The following TDRD3 variants were observed in gnomAD, a reference collection of about 807,000 sequenced individuals.
TDRD3 encodes tudor domain-containing protein 3.
A neutral mutation model predicts 86.7 loss-of-function variants in TDRD3; 45 were observed. That is an observed-to-expected ratio of 0.52 (90% CI 0.41 to 0.67). The LOEUF (loss-of-function observed/expected upper bound fraction) is 0.67. Among genes scored for constraint, TDRD3 ranks in the 30% least tolerant of loss-of-function variants. The probability of loss-of-function intolerance (pLI) is 0.00; values close to 1 mark genes in which losing one functional copy is unlikely to be tolerated. For missense variants in TDRD3, 814 were observed against 889.0 expected (o/e 0.92, Z 1.07); for synonymous variants, 298 against 301.7 (o/e 0.99, Z 0.13).
chr13:60,562,241 A>G (rs1958350853), intron 12 of TDRD3, among the ~76,000 whole-genome samples: 1 of 152,092 alleles, frequency 6.6e-6, no homozygotes, highest in Non-Finnish European at 1.5e-5. Context: ...TGAATCCAGG[A>G]GGTGGAGGTT....
upstream of TDRD3, chr13:60,397,157 C>T (rs773122868): frequency 1.7e-5 from 7 of 401,002 alleles, no homozygotes; most frequent in Non-Finnish European, 3.1e-5. Context: ...CCACACCAGG[C>T]CGGCCCCTAC....
intron 1 of TDRD3, among the ~76,000 whole-genome samples, chr13:60,420,668 C>T (rs1363789197): frequency 2.0e-5 from 3 of 151,948 alleles, no homozygotes; most frequent in African/African-American, 4.8e-5. Flanking sequence ...CCAGGCTGGG[C>T]GTGGTGGCTG....
At chr13:60,501,035 T>C (rs1228037976) in intron 8 of TDRD3, among the ~76,000 whole-genome samples, 4 of 152,180 alleles carry the variant, frequency 2.6e-5, no homozygotes, top group African/African-American at 9.7e-5. Context: ...CTATGGCCAG[T>C]GACTATTCCT....
At chr13:60,421,231 G>A (rs1166612001) in intron 1 of TDRD3, among the ~76,000 whole-genome samples, 1 of 152,138 alleles carries the variant, frequency 6.6e-6, no homozygotes, top group Non-Finnish European at 1.5e-5. Context: ...AGTTCCATAT[G>A]GCTCAGGAGG....
At chr13:60,453,345 C>A (rs1211399055) in intron 3 of TDRD3, among the ~76,000 whole-genome samples, 1 of 152,164 alleles carries the variant, frequency 6.6e-6, no homozygotes, top group African/African-American at 2.4e-5. Flanking sequence ...TGTAGTTTTT[C>A]TTTTCCTAGC....
chr13:60,438,099 T>C (rs775079099), intron 1 of TDRD3, among the ~76,000 whole-genome samples: 22 of 152,158 alleles, frequency 1.4e-4, no homozygotes, highest in Non-Finnish European at 2.6e-4. Context: ...AGGTGTTTAG[T>C]TTTCATCATT....
In TDRD3 at chr13:60,485,902, A is replaced by G; in HGVS notation, c.671A>G (p.Glu224Gly). The part of the protein sequence containing the change: ...VKPTNDNDEF[E>G]KQRTAAIAEV... ...CCTACAAATGATAATGATGAATTTGAAAAGCAAAGGACGGCTGCTATTGCT... is the reference window on the plus strand; with the variant it reads ...CCTACAAATGATAATGATGAATTTGGAAAGCAAAGGACGGCTGCTATTGCT... The change falls in exon 7 of 14, where the codon GAA becomes GGA. Residue 224 changes from glutamate to glycine, a missense_variant. By Grantham distance (98) the Glu-to-Gly change is moderately conservative. Transcript: ENST00000377881. The G allele has an allele frequency of 6.2e-7, 1 of 1,611,196 alleles. No individual in the cohort carries two copies. Among genetic ancestry groups the G allele is most frequent in the South Asian group, 1.1e-5 (1 of 90,486 alleles).
chr13:60,457,630 A>G (rs1955711617), intron 3 of TDRD3, among the ~76,000 whole-genome samples: 1 of 152,228 alleles, frequency 6.6e-6, no homozygotes, highest in Non-Finnish European at 1.5e-5. Context: ...TGCTGTAACA[A>G]ATTACCACAA....
intron 1 of TDRD3, among the ~76,000 whole-genome samples, chr13:60,404,240 AAAC>A (rs993227654): frequency 1.3e-5 from 2 of 152,156 alleles, no homozygotes; most frequent in Non-Finnish European, 2.9e-5. Flanking sequence ...GCTAAGGAAA[AAAC>A]AAGGCACATT....
rs150181276 is a variant in TDRD3, at chr13:60,440,265, A to C, written c.126+493A>C. On this transcript the variant is annotated intron_variant, in intron 2 of 13. Transcript: ENST00000377881. ...ATTAAATCTGCTTATAATTACTATT[A>C]ATGTTTTAGTGTATATTTCTTTTCA... Among the ~76,000 whole-genome samples, 20 of 152,274 alleles carry C rather than the reference A, an allele frequency of 1.3e-4. No individual in the cohort carries two copies. In the East Asian group the frequency reaches 2.9e-3, roughly 22 times the overall value.
At chr13:60,426,893 G>A (rs750358714) in intron 1 of TDRD3, among the ~76,000 whole-genome samples, 2 of 152,158 alleles carry the variant, frequency 1.3e-5, no homozygotes, top group African/African-American at 2.4e-5. Context: ...TGCCGACTAC[G>A]CGCATAGGCT....
At chr13:60,467,452 A>C in intron 5 of TDRD3, 73 bp downstream of exon 5, 1 of 1,524,492 alleles carries the variant, frequency 6.6e-7, no homozygotes, top group African/African-American at 1.4e-5. Context: ...CTCTTTCAAT[A>C]ATGAGTAAAA....
chr13:60,487,675 A>G (rs2137525332), intron 7 of TDRD3, among the ~76,000 whole-genome samples: 1 of 152,224 alleles, frequency 6.6e-6, no homozygotes, highest in South Asian at 2.1e-4. Context: ...CCTTCATCTG[A>G]TGGTGGGCAC....
intron 1 of TDRD3, among the ~76,000 whole-genome samples, chr13:60,409,646 C>A (rs1366073873): frequency 4.6e-5 from 7 of 152,114 alleles, no homozygotes; most frequent in Non-Finnish European, 2.9e-5. Flanking sequence ...GCCAACCTCA[C>A]CCATTTGGAA....
chr13:60,484,072 A>G (rs1397165495), intron 6 of TDRD3, among the ~76,000 whole-genome samples: 1 of 152,112 alleles, frequency 6.6e-6, no homozygotes, highest in African/African-American at 2.4e-5. Flanking sequence ...ATTAAGAGCC[A>G]TATCTGAAGA....
chr13:60,552,015 C>T (rs111538556), intron 12 of TDRD3, among the ~76,000 whole-genome samples: 2,851 of 152,216 alleles, frequency 0.019, 84 homozygotes, highest in African/African-American at 0.065. Flanking sequence ...GGACACAGAG[C>T]CAAACCATAT....
intron 12 of TDRD3, among the ~76,000 whole-genome samples, chr13:60,558,482 T>C (rs1958252545): frequency 6.6e-6 from 1 of 152,208 alleles, no homozygotes; most frequent in African/African-American, 2.4e-5. Flanking sequence ...AACATATCAA[T>C]AGGCATAGAT....
At chr13:60,416,840 C>T (rs1750295165) in intron 1 of TDRD3, among the ~76,000 whole-genome samples, 1 of 152,254 alleles carries the variant, frequency 6.6e-6, no homozygotes, top group African/African-American at 2.4e-5. Context: ...TCCCCTAACA[C>T]TGTTCTCCTC....
intron 1 of TDRD3, among the ~76,000 whole-genome samples, chr13:60,434,610 A>G (rs543072213): frequency 1.3e-5 from 2 of 152,180 alleles, no homozygotes; most frequent in Non-Finnish European, 2.9e-5. Context: ...GCTTGTCAGT[A>G]AAATGTATTC....
Sources: gnomAD v4.1 joint callset for allele counts (sites outside exome capture counted in the v4.1 genomes callset) on GRCh38, gnomAD v4.1.1 for gene constraint, MANE v1.5 for transcripts, NCBI Gene and HGNC (gene_info 2026-07-23, HGNC 2026-07-21) for gene names.